The following CDH12 variants were observed in gnomAD, a reference collection of about 807,000 sequenced individuals.
CDH12 encodes the protein cadherin 12.
In CDH12, 41 loss-of-function variants were observed where a neutral mutation model predicts 74.1. The ratio of observed to expected loss-of-function variants is 0.55; its 90% confidence interval spans 0.43 to 0.72. The LOEUF (loss-of-function observed/expected upper bound fraction) is 0.72, where lower values mean the gene tolerates loss of function less well. Ranked by LOEUF, CDH12 falls within the 30% of genes least tolerant of loss-of-function variation. The pLI is 0.00. For synonymous variants in CDH12, 399 were observed against 355.0 expected (o/e 1.12, Z -1.39); for missense variants, 945 against 977.2 (o/e 0.97, Z 0.44).
Position 22,155,421 on chromosome 5 carries a change from TA to T in CDH12, c.-187+57076del, listed in dbSNP as rs1237696921. Among the ~76,000 whole-genome samples the T allele has an allele frequency of 2.0e-5, 3 of 152,104 alleles. No homozygotes were observed. In the East Asian group the frequency reaches 5.8e-4, roughly 29 times the overall value. On this transcript the variant is annotated intron_variant, in intron 4 of 14. Coordinates refer to ENST00000382254, the MANE Select transcript of CDH12 (RefSeq NM_004061.5). ...TCAACATCTAAAAAAATAAAAATTG[TA>T]ATTGTATTTAAAATGTTAGGAAACA...
At chr5:22,571,247 C>A (rs2126766032) in intron 1 of CDH12, among the ~76,000 whole-genome samples, 1 of 152,180 alleles carries the variant, frequency 6.6e-6, no homozygotes, top group African/African-American at 2.4e-5. Flanking sequence ...TACAACTTGG[C>A]TAACTAGTGC....
chr5:22,851,028 G>A (rs1737531371), intron 1 of CDH12, among the ~76,000 whole-genome samples: 1 of 152,128 alleles, frequency 6.6e-6, no homozygotes. Context: ...CTCAATTTAA[G>A]GAGATCAGTT....
At chr5:22,491,695 C>A (rs1252361470) in intron 2 of CDH12, among the ~76,000 whole-genome samples, 3 of 151,788 alleles carry the variant, frequency 2.0e-5, no homozygotes, top group Admixed American at 1.3e-4. Flanking sequence ...TTGTGTTGGA[C>A]CACATTCAGA....
At chr5:22,123,625 T>G (rs1745653776) in intron 4 of CDH12, among the ~76,000 whole-genome samples, 1 of 152,218 alleles carries the variant, frequency 6.6e-6, no homozygotes, top group Non-Finnish European at 1.5e-5. Context: ...TACAGATGAT[T>G]GATTTTTGTT....
At chr5:22,850,535 A>T (rs1737502204) in intron 1 of CDH12, among the ~76,000 whole-genome samples, 1 of 152,108 alleles carries the variant, frequency 6.6e-6, no homozygotes, top group South Asian at 2.1e-4. Context: ...GGAAGGATAA[A>T]TATTTTCCAC....
intron 4 of CDH12, among the ~76,000 whole-genome samples, chr5:22,092,550 G>GA (rs2150239615): frequency 6.6e-6 from 1 of 152,148 alleles, no homozygotes; most frequent in Non-Finnish European, 1.5e-5. Flanking sequence ...AATGCAAATC[G>GA]AAAACCACAG....
chr5:22,415,282 CTT>C (rs1743334924), intron 2 of CDH12, among the ~76,000 whole-genome samples: 1 of 151,868 alleles, frequency 6.6e-6, no homozygotes. Flanking sequence ...AATTTTAAAA[CTT>C]AATTTTTAAA....
chr5:21,969,464 A>G (rs1432996429), intron 6 of CDH12, among the ~76,000 whole-genome samples: 3 of 152,080 alleles, frequency 2.0e-5, no homozygotes, highest in Admixed American at 2.0e-4. Flanking sequence ...TATGGCTTCA[A>G]TCAGAGGGTT....
chr5:22,799,675 T>C (rs1378346538), intron 1 of CDH12, among the ~76,000 whole-genome samples: 1 of 152,200 alleles, frequency 6.6e-6, no homozygotes, highest in African/African-American at 2.4e-5. Flanking sequence ...GGCAATTATA[T>C]GTATTTATCA....
At chr5:22,807,037 A>G (rs1487483574) in intron 1 of CDH12, among the ~76,000 whole-genome samples, 1 of 152,100 alleles carries the variant, frequency 6.6e-6, no homozygotes, top group Non-Finnish European at 1.5e-5. Flanking sequence ...TTAGTCATGA[A>G]GTCTTTGCCC....
At chr5:22,240,670 A>G (rs140628229) in intron 3 of CDH12, among the ~76,000 whole-genome samples, 10,579 of 152,156 alleles carry the variant, frequency 0.07, 479 homozygotes, top group South Asian at 0.15. Context: ...AGTAGCTGGG[A>G]TTACAGGCGC....
At chr5:22,692,434 C>A (rs2126945335) in intron 1 of CDH12, among the ~76,000 whole-genome samples, 1 of 152,178 alleles carries the variant, frequency 6.6e-6, no homozygotes, top group Middle Eastern at 3.4e-3. Flanking sequence ...TAAGGTAGGC[C>A]TTTTGTTTAA....
chr5:22,300,309 C>T (rs987740840), intron 3 of CDH12, among the ~76,000 whole-genome samples: 8 of 152,176 alleles, frequency 5.3e-5, no homozygotes, highest in African/African-American at 1.9e-4. Context: ...CATATGTATG[C>T]ACTGGTTCCT....
chr5:21,880,297 T>C (rs1561267361), intron 6 of CDH12, among the ~76,000 whole-genome samples: 2 of 152,322 alleles, frequency 1.3e-5, no homozygotes, highest in Admixed American at 6.5e-5. Context: ...ATCAGTGTTA[T>C]CTTTTCTATA....
intron 1 of CDH12, among the ~76,000 whole-genome samples, chr5:22,642,599 A>G (rs1355365710): frequency 2.0e-5 from 3 of 152,212 alleles, no homozygotes; most frequent in Non-Finnish European, 2.9e-5. Flanking sequence ...TCAGAATGCC[A>G]GAAATCTAAG....
chr5:22,070,505 C>T (rs1353068347), intron 5 of CDH12, among the ~76,000 whole-genome samples: 1 of 152,104 alleles, frequency 6.6e-6, no homozygotes, highest in Non-Finnish European at 1.5e-5. Context: ...GGGTGGGACA[C>T]ACCTAATCAG....
intron 4 of CDH12, among the ~76,000 whole-genome samples, chr5:22,101,582 G>A (rs1467758794): frequency 6.6e-6 from 1 of 152,044 alleles, no homozygotes; most frequent in Admixed American, 6.6e-5. Context: ...CTGCACAGAA[G>A]TATTTTCCAT....
chr5:21,812,935 AGGCTCTG>A (rs1747832096), intron 9 of CDH12, among the ~76,000 whole-genome samples: 1 of 152,172 alleles, frequency 6.6e-6, no homozygotes, highest in Non-Finnish European at 1.5e-5. Flanking sequence ...GTGTTTTATT[AGGCTCTG>A]AAGTCTCAAA....
intron 6 of CDH12, among the ~76,000 whole-genome samples, chr5:21,935,621 TAA>T (rs1270269800): frequency 1.3e-5 from 2 of 152,232 alleles, no homozygotes; most frequent in Non-Finnish European, 2.9e-5. Flanking sequence ...CTAGTTATTT[TAA>T]AATGTACAAT....
Sources: gnomAD v4.1 joint callset for allele counts (sites outside exome capture counted in the v4.1 genomes callset) on GRCh38, gnomAD v4.1.1 for gene constraint, MANE v1.5 for transcripts, NCBI Gene and HGNC (gene_info 2026-07-23, HGNC 2026-07-21) for gene names.